Variants in MORC1 observed in about 807,000 individuals in gnomAD.
MORC1 encodes the protein MORC family CW-type zinc finger protein 1.
MORC1 carries 59 observed loss-of-function variants against 134.9 expected under a neutral mutation model. The observed-to-expected ratio is 0.44, with a 90% CI of 0.35 to 0.54. The LOEUF (loss-of-function observed/expected upper bound fraction) is 0.54. MORC1 is among the 20% of genes least tolerant of loss of function. The pLI is 0.00. For synonymous variants in MORC1, 395 were observed against 391.7 expected (o/e 1.01, Z -0.10); for missense variants, 947 against 1,134.5 (o/e 0.83, Z 2.37).
intron 21 of MORC1, among the ~76,000 whole-genome samples, chr3:108,993,125 C>G (rs1948112505): frequency 6.6e-6 from 1 of 152,098 alleles, no homozygotes; most frequent in Non-Finnish European, 1.5e-5. Context: ...GAGTGTACAG[C>G]CTGTATCCTT....
chr3:109,100,799 T>A (rs945432271), intron 4 of MORC1, among the ~76,000 whole-genome samples: 2 of 152,242 alleles, frequency 1.3e-5, no homozygotes, highest in Admixed American at 1.3e-4. Context: ...CAGACTTTTT[T>A]TTTGTCATTA....
Position 109,005,135 on chromosome 3 carries a change from T to A in MORC1, c.1948A>T (p.Asn650Tyr). The change falls in exon 19 of 28, where the codon AAC becomes TAC. Residue 650 changes from asparagine to tyrosine, a missense_variant. Physicochemically the swap from Asn to Tyr is moderately radical, Grantham distance 143. This residue lies in a region of MORC1 where 722 missense variants were observed against 817.0 expected (regional missense o/e 0.88). Coordinates refer to ENST00000232603, the MANE Select transcript of MORC1 (RefSeq NM_014429.4). Reference sequence around the variant, plus strand: ...ACTGGAATTCTCTGCTGTTGAGAGTTCATTTTCTCCTCCATAGACTTTTTC... The same window carrying A: ...ACTGGAATTCTCTGCTGTTGAGAGTACATTTTCTCCTCCATAGACTTTTTC... ...IMKKSMEEKM[N>Y]SQQQRIPVAL... 1.2e-6 allele frequency: 2 copies of A among 1,613,906 alleles called. No homozygotes were observed. The highest frequency in any genetic ancestry group is 1.7e-6 in the Non-Finnish European group (2 of 1,179,928).
At chr3:109,032,562 A>T (rs901520502) in intron 16 of MORC1, among the ~76,000 whole-genome samples, 158 bp downstream of exon 16, 5 of 152,166 alleles carry the variant, frequency 3.3e-5, no homozygotes, top group African/African-American at 1.2e-4. Flanking sequence ...CGCCAATGAA[A>T]TAATCTTTGC....
intron 13 of MORC1, among the ~76,000 whole-genome samples, chr3:109,056,991 T>C (rs1949977164): frequency 1.3e-5 from 2 of 152,228 alleles, no homozygotes; most frequent in East Asian, 1.9e-4. Flanking sequence ...ACTATGGATT[T>C]TTCTTTTCCT....
At chr3:108,977,518 G>A (rs1418546749) in intron 24 of MORC1, among the ~76,000 whole-genome samples, 1 of 151,982 alleles carries the variant, frequency 6.6e-6, no homozygotes, top group Non-Finnish European at 1.5e-5. Context: ...TGCCTGGTGT[G>A]ATAGCTACTA....
chr3:109,105,898 C>G (rs1037979862), intron 3 of MORC1, among the ~76,000 whole-genome samples: 32 of 152,276 alleles, frequency 2.1e-4, no homozygotes, highest in African/African-American at 7.7e-4. Context: ...TTCCTTCTCT[C>G]TACCTAGTCC....
rs1175066194 is a variant in MORC1 at position 109,033,284 on chromosome 3, AGGAGGAAGGAAGGAAG to A, written c.1460-475_1460-460del. On this transcript the variant is annotated intron_variant, in intron 15 of 27. Coordinates refer to ENST00000232603, the MANE Select transcript of MORC1 (RefSeq NM_014429.4). Reference sequence around the variant, plus strand: ...AAGAAAGAAAGAAGGAAAGCAAGAAAGGAGGAAGGAAGGAAGGAAGGAAGGAAGGAAGGAAGGAAGG... The same window carrying A: ...AAGAAAGAAAGAAGGAAAGCAAGAAAGAAGGAAGGAAGGAAGGAAGGAAGG... Among the ~76,000 whole-genome samples the A allele has an allele frequency of 4.7e-5, 6 of 127,082 alleles. No individual in the cohort carries two copies. The East Asian group carries it at 1.0e-3, about 21-fold the overall frequency. 83.4% of individuals were successfully genotyped at this position (127,082 alleles called of 152,430 possible).
chr3:109,024,975 T>C (rs1202831802), intron 17 of MORC1, among the ~76,000 whole-genome samples: 2 of 152,216 alleles, frequency 1.3e-5, no homozygotes, highest in Non-Finnish European at 2.9e-5. Flanking sequence ...TTTTTAGTCT[T>C]AGTTTTGACA....
rs889012983 is a variant in MORC1, at chr3:109,027,821, T to C, written c.1634A>G (p.Asn545Ser). Residue 545 changes from asparagine (N) to serine (S), a missense_variant, in exon 17 of 28, where the codon AAT becomes AGT. Physicochemically the swap from Asn to Ser is conservative, Grantham distance 46. Coordinates refer to ENST00000232603, the MANE Select transcript of MORC1 (RefSeq NM_014429.4). ...GTMSTISPSK[N>S]EKEKQLRESV... Reference sequence around the variant, plus strand: ...CTCTCTAAGTTGCTTCTCTTTCTCATTTTTTGATGGTGATATTGTGCTCAT... The same window carrying C: ...CTCTCTAAGTTGCTTCTCTTTCTCACTTTTTGATGGTGATATTGTGCTCAT... The C allele has an allele frequency of 3.1e-6, 5 of 1,613,768 alleles. No individual in the cohort carries two copies. The highest frequency in any genetic ancestry group is 4.2e-6 in the Non-Finnish European group (5 of 1,179,864).
intron 8 of MORC1, among the ~76,000 whole-genome samples, chr3:109,082,727 C>T (rs957546105): frequency 3.3e-5 from 5 of 151,714 alleles, no homozygotes; most frequent in African/African-American, 1.2e-4. Context: ...TGAAAATACA[C>T]AGAGGAGCAA....
chr3:108,989,460 C>T (rs951007078), intron 21 of MORC1, among the ~76,000 whole-genome samples: 2 of 151,978 alleles, frequency 1.3e-5, no homozygotes, highest in Non-Finnish European at 2.9e-5. Flanking sequence ...GATGGATCAA[C>T]ATAATACTGC....
intron 14 of MORC1, among the ~76,000 whole-genome samples, chr3:109,044,503 A>G (rs1054566769): frequency 1.3e-5 from 2 of 151,128 alleles, no homozygotes; most frequent in Non-Finnish European, 2.9e-5. Context: ...GCTTGCAGTG[A>G]GCCGATATCA....
At chr3:109,093,971 C>T (rs1950779066) in intron 7 of MORC1, among the ~76,000 whole-genome samples, 1 of 152,120 alleles carries the variant, frequency 6.6e-6, no homozygotes, top group Admixed American at 6.6e-5. Context: ...TTTTCATACA[C>T]TATAGCAGGT....
chr3:109,117,895 T>G (rs1951305459), intron 1 of MORC1, 100 bp downstream of exon 1: 2 of 935,390 alleles, frequency 2.1e-6, no homozygotes, highest in Admixed American at 4.1e-5. Context: ...AATCCATAAA[T>G]CAAGTTCACT....
chr3:108,998,867 A>T (rs1475989711), intron 21 of MORC1, among the ~76,000 whole-genome samples: 4 of 152,218 alleles, frequency 2.6e-5, no homozygotes, highest in African/African-American at 9.6e-5. Context: ...GTAATGTAAG[A>T]ACTTGAGAAC....
At chr3:109,058,057 T>A (rs981473783) in intron 12 of MORC1, among the ~76,000 whole-genome samples, 10 of 152,174 alleles carry the variant, frequency 6.6e-5, no homozygotes, top group African/African-American at 2.4e-4. Flanking sequence ...TTTGTGTGAG[T>A]TTTCTATTAA....
In MORC1 at chr3:109,033,648, G is replaced by C. The variant is rs371901999; in HGVS notation, c.1460-823C>G. On this transcript the variant is annotated intron_variant, in intron 15 of 27. Transcript: ENST00000232603. ...CACCTCTTACCACCTCTATGATCTT[G>C]GACAAATTATTTAACTGCTTATATT... Among the ~76,000 whole-genome samples, 3 of 151,848 alleles carry C rather than the reference G, an allele frequency of 2.0e-5. No homozygotes were observed. The East Asian group carries it at 5.8e-4, about 29-fold the overall frequency.
intron 3 of MORC1, among the ~76,000 whole-genome samples, chr3:109,105,840 C>A (rs1951022037): frequency 6.6e-6 from 1 of 152,166 alleles, no homozygotes; most frequent in African/African-American, 2.4e-5. Flanking sequence ...CAATTTACTT[C>A]TTTGTCTGTA....
At chr3:109,094,684 C>T (rs1022235183) in intron 7 of MORC1, among the ~76,000 whole-genome samples, 1 of 152,080 alleles carries the variant, frequency 6.6e-6, no homozygotes, top group Admixed American at 6.6e-5. Flanking sequence ...CCAGTTTCAC[C>T]AAGCTCATGC....
Sources: allele counts gnomAD v4.1 joint callset (sites outside exome capture counted in the v4.1 genomes callset), GRCh38; gene constraint gnomAD v4.1.1; regional missense constraint gnomAD v4.1.1; transcripts MANE v1.5; gene names NCBI Gene and HGNC (gene_info 2026-07-23, HGNC 2026-07-21).